TTBK2: variants seen among roughly 807,000 people sequenced by gnomAD.
The protein encoded by TTBK2 is tau-tubulin kinase 2.
Under a neutral mutation model 110.8 loss-of-function variants are expected in TTBK2, and 28 were observed. That is an observed-to-expected ratio of 0.25 (90% CI 0.19 to 0.35). The LOEUF (loss-of-function observed/expected upper bound fraction) is 0.35, where lower values mean the gene tolerates loss of function less well. Among genes scored for constraint, TTBK2 ranks in the 10% least tolerant of loss-of-function variants. TTBK2 has a pLI of 1.00. For synonymous variants in TTBK2, 532 were observed against 527.3 expected (o/e 1.01, Z -0.12); for missense variants, 1,369 against 1,500.3 (o/e 0.91, Z 1.45).
intron 9 of TTBK2, among the ~76,000 whole-genome samples, chr15:42,808,530 G>T (rs1191574439): frequency 1.3e-5 from 2 of 151,846 alleles, no homozygotes; most frequent in Non-Finnish European, 2.9e-5. Context: ...TAACTTTATT[G>T]GTTGTCCCAT....
At chr15:42,867,245 CA>C (rs199562887) in intron 3 of TTBK2, among the ~76,000 whole-genome samples, 2,375 of 63,556 alleles carry the variant, frequency 0.037, 28 homozygotes, top group East Asian at 0.15. Flanking sequence ...GACTCCGTCT[CA>C]AAAAAAAAAA....
At chr15:42,854,281 T>A (rs1048735449) in intron 3 of TTBK2, among the ~76,000 whole-genome samples, 1 of 152,200 alleles carries the variant, frequency 6.6e-6, no homozygotes, top group Non-Finnish European at 1.5e-5. Context: ...TATGCTCAAG[T>A]AAATATTTAT....
At chr15:42,814,320 T>G (rs1332651017) in intron 7 of TTBK2, among the ~76,000 whole-genome samples, 1 of 152,214 alleles carries the variant, frequency 6.6e-6, no homozygotes, top group Non-Finnish European at 1.5e-5. Context: ...GGCTCATGCA[T>G]GTAATCCCAG....
At chr15:42,829,335 T>C (rs1892656863) in intron 5 of TTBK2, among the ~76,000 whole-genome samples, 1 of 152,036 alleles carries the variant, frequency 6.6e-6, no homozygotes. Context: ...AGGAGAAAAA[T>C]AAGGTCTTTC....
At chr15:42,789,054 T>C (rs1462782471) in intron 10 of TTBK2, among the ~76,000 whole-genome samples, 4 of 152,188 alleles carry the variant, frequency 2.6e-5, no homozygotes, top group Non-Finnish European at 1.5e-5. Context: ...TTAACAAAAA[T>C]CTCTAATACA....
rs547196103 is a variant in TTBK2, at chr15:42,775,289, C to T, written c.1844G>A (p.Gly615Asp). The T allele has an allele frequency of 5.0e-6, 8 of 1,614,190 alleles. No individual in the cohort carries two copies. In the South Asian group the frequency reaches 7.7e-5, roughly 16 times the overall value. The change falls in exon 13 of 15, where the codon GGT (glycine) becomes GAT (aspartate). Residue 615 changes from glycine (G) to aspartate (D), a missense_variant. By Grantham distance (94) the Gly-to-Asp change is moderately conservative (BLOSUM62 -1). Coordinates refer to ENST00000267890, the MANE Select transcript of TTBK2 (RefSeq NM_173500.4). Reference protein sequence around the residue: ...ENDHLKKETSGVVLALSAEGP... With the variant: ...ENDHLKKETSDVVLALSAEGP... ...CTCTGCAGAAAGTGCTAAGACCACACCTGAGGTTTCCTTCTTTAAATGATC... is the reference window on the plus strand; with the variant it reads ...CTCTGCAGAAAGTGCTAAGACCACATCTGAGGTTTCCTTCTTTAAATGATC...
At chr15:42,789,878 T>C (rs12906789) in intron 10 of TTBK2, among the ~76,000 whole-genome samples, 181 of 27,928 alleles carry the variant, frequency 6.5e-3, no homozygotes, top group Middle Eastern at 0.031. Flanking sequence ...CACACACACA[T>C]ATACATTTTC....
intron 4 of TTBK2, among the ~76,000 whole-genome samples, chr15:42,838,376 GTGTA>G (rs1275196404): frequency 1.3e-5 from 2 of 151,962 alleles, no homozygotes; most frequent in Non-Finnish European, 2.9e-5. Context: ...GTGTGTGTGT[GTGTA>G]TGTGTGTGTT....
At chr15:42,821,280 G>A (rs898783245) in intron 6 of TTBK2, among the ~76,000 whole-genome samples, 2 of 152,170 alleles carry the variant, frequency 1.3e-5, no homozygotes, top group Admixed American at 6.5e-5. Flanking sequence ...GGGAGCAGGG[G>A]GAAGAATCAG....
chr15:42,801,265 G>C lies in TTBK2; in HGVS notation c.823-6464C>G, dbSNP rs762968265. On this transcript the variant is annotated intron_variant, in intron 9 of 14. Transcript: ENST00000267890. ...CTGTAGGTGGCGATCTTGATATCCA[G>C]GGCCAGCTTGACGTTCATCAGCTCC... 7 of 1,544,284 alleles carry C rather than the reference G, an allele frequency of 4.5e-6. 1 individual carries two copies. The Admixed American group carries it at 5.2e-5, about 11-fold the overall frequency.
chr15:42,917,684 C>CAA (rs145784296), intron 1 of TTBK2, among the ~76,000 whole-genome samples: 29 of 111,716 alleles, frequency 2.6e-4, no homozygotes, highest in Non-Finnish European at 4.6e-4. Flanking sequence ...TGCTGGATGA[C>CAA]AAAAAAAAAA....
intron 6 of TTBK2, among the ~76,000 whole-genome samples, chr15:42,824,868 A>G (rs1301697706): frequency 6.6e-6 from 1 of 152,150 alleles, no homozygotes; most frequent in East Asian, 1.9e-4. Flanking sequence ...AACCCAAAAT[A>G]GAAATGAAAA....
intron 14 of TTBK2, 88 bp downstream of exon 14, chr15:42,751,886 C>A: frequency 6.7e-7 from 1 of 1,502,934 alleles, no homozygotes. Context: ...AAGGGGGCAA[C>A]ACAGAAATGT....
chr15:42,807,358 T>G (rs1278617220), intron 9 of TTBK2, among the ~76,000 whole-genome samples: 1 of 152,156 alleles, frequency 6.6e-6, no homozygotes, highest in African/African-American at 2.4e-5. Flanking sequence ...TTAACAAATT[T>G]GAACACTCTA....
Position 42,876,988 on chromosome 15 carries a change from T to C in TTBK2, c.69+1561A>G, listed in dbSNP as rs147528144. On this transcript the variant is annotated intron_variant, in intron 2 of 14. Transcript: ENST00000267890. ...TACACTAAAAAACAAATCTAATTGA[T>C]CACTTTTGGAGAATGGCAAGAAACC... Among the ~76,000 whole-genome samples the C allele has an allele frequency of 3.3e-5, 5 of 152,304 alleles. No individual in the cohort carries two copies. In the East Asian group the frequency reaches 9.6e-4, roughly 29 times the overall value.
intron 6 of TTBK2, among the ~76,000 whole-genome samples, chr15:42,819,016 G>GT (rs1304303693): frequency 1.3e-5 from 2 of 151,012 alleles, no homozygotes; most frequent in African/African-American, 4.9e-5. Flanking sequence ...CGATTCGTGG[G>GT]TGGCACTGTA....
intron 3 of TTBK2, among the ~76,000 whole-genome samples, chr15:42,844,660 TGTAA>T (rs1290915024): frequency 2.6e-5 from 4 of 152,238 alleles, no homozygotes; most frequent in Admixed American, 6.5e-5. Context: ...CTGCCAATAA[TGTAA>T]GTATTATTAT....
intron 2 of TTBK2, among the ~76,000 whole-genome samples, chr15:42,878,063 T>C (rs148649019): frequency 3.3e-5 from 5 of 151,052 alleles, no homozygotes; most frequent in African/African-American, 9.7e-5. Context: ...TCCTTTTTTT[T>C]TCCCGGGTTC....
At position 42,815,907 on chromosome 15, in the gene TTBK2, TTTAAAA is replaced by T. The variant is rs1370534001; in HGVS notation, c.603+1119_603+1124del. On this transcript the variant is annotated intron_variant, in intron 7 of 14. Transcript: ENST00000267890. Reference sequence around the variant, plus strand: ...ATATATTTAAAAATATATATATATATTTAAAAATATATATATATTTAAAAATATATA... The same window carrying T: ...ATATATTTAAAAATATATATATATATATATATATATATTTAAAAATATATA... 1.2e-3 allele frequency among the ~76,000 whole-genome samples: 125 copies of T among 106,784 alleles called. 2 individuals carry two copies. Among genetic ancestry groups the T allele is most frequent in the African/African-American group, 5.7e-3 (121 of 21,410 alleles). The allele number at this position is 106,784 out of a possible 152,430, so 70.1% of individuals were successfully genotyped here.
Sources: allele counts gnomAD v4.1 joint callset (sites outside exome capture counted in the v4.1 genomes callset), GRCh38; gene constraint gnomAD v4.1.1; transcripts MANE v1.5; gene names NCBI Gene and HGNC (gene_info 2026-07-23, HGNC 2026-07-21).